The following RNF150 variants were observed in gnomAD, a reference collection of about 807,000 sequenced individuals.
RNF150 encodes the protein ring finger protein 150.
Under a neutral mutation model 39.3 loss-of-function variants are expected in RNF150, and 24 were observed. That is an observed-to-expected ratio of 0.61 (90% CI 0.44 to 0.86). RNF150 has a LOEUF of 0.86. Ranked by LOEUF, RNF150 falls within the 40% of genes least tolerant of loss-of-function variation. The pLI is 0.00. For synonymous variants in RNF150, 255 were observed against 227.3 expected (o/e 1.12, Z -1.10); for missense variants, 502 against 587.8 (o/e 0.85, Z 1.51).
intron 1 of RNF150, among the ~76,000 whole-genome samples, chr4:141,156,374 G>A (rs1727399145): frequency 6.6e-6 from 1 of 152,090 alleles, no homozygotes; most frequent in Admixed American, 6.5e-5. Context: ...TTGATCTCCT[G>A]TGCTCAAGCC....
chr4:140,891,957 A>C (rs12331921), intron 6 of RNF150, among the ~76,000 whole-genome samples: 5,063 of 152,208 alleles, frequency 0.033, 218 homozygotes, highest in African/African-American at 0.1. Context: ...TTTCATCCCG[A>C]AAGCACCACC....
At chr4:141,110,004 T>C (rs1440046986) in intron 1 of RNF150, among the ~76,000 whole-genome samples, 1 of 152,090 alleles carries the variant, frequency 6.6e-6, no homozygotes, top group Non-Finnish European at 1.5e-5. Flanking sequence ...GTTGCCAGGA[T>C]ATGAGAGACT....
At chr4:141,070,035 A>T (rs11936637) in intron 1 of RNF150, among the ~76,000 whole-genome samples, 46,050 of 151,894 alleles carry the variant, frequency 0.3, 7,038 homozygotes, top group Middle Eastern at 0.48. Context: ...GATTTTTTGA[A>T]GGGTTTTTTG....
intron 1 of RNF150, among the ~76,000 whole-genome samples, chr4:141,038,033 T>C (rs1251337095): frequency 6.6e-6 from 1 of 152,212 alleles, no homozygotes; most frequent in Non-Finnish European, 1.5e-5. Context: ...AAAATAATTA[T>C]ATGCAGAGAA....
intron 1 of RNF150, among the ~76,000 whole-genome samples, chr4:141,127,238 T>C (rs1215709761): frequency 6.6e-6 from 1 of 152,170 alleles, no homozygotes; most frequent in Non-Finnish European, 1.5e-5. Context: ...GGGTACCTAT[T>C]TCACAGTGTT....
chr4:141,203,326 G>C (rs1470560807), intron 1 of RNF150, among the ~76,000 whole-genome samples: 1 of 146,636 alleles, frequency 6.8e-6, no homozygotes, highest in African/African-American at 2.5e-5. Context: ...TCTTGGAGAT[G>C]ATATATATAT....
intron 1 of RNF150, among the ~76,000 whole-genome samples, chr4:141,008,605 G>A (rs1365588529): frequency 6.6e-6 from 1 of 152,102 alleles, no homozygotes; most frequent in Non-Finnish European, 1.5e-5. Context: ...GGGTTCAAAG[G>A]CCTTTTGTTC....
chr4:141,055,826 CCAGCTATA>C (rs1736944067), intron 1 of RNF150, among the ~76,000 whole-genome samples: 1 of 152,116 alleles, frequency 6.6e-6, no homozygotes, highest in Admixed American at 6.6e-5. Flanking sequence ...AAAAGAAAAT[CCAGCTATA>C]CAGGAATCAT....
At chr4:140,917,456 A>G (rs537679036) in intron 5 of RNF150, among the ~76,000 whole-genome samples, 10 of 152,322 alleles carry the variant, frequency 6.6e-5, no homozygotes, top group Admixed American at 5.9e-4. Flanking sequence ...CCATTACATA[A>G]TGGTAAAGGG....
chr4:141,050,287 T>C (rs1736728600), intron 1 of RNF150, among the ~76,000 whole-genome samples: 1 of 152,112 alleles, frequency 6.6e-6, no homozygotes, highest in Non-Finnish European at 1.5e-5. Context: ...AAGATGAGAT[T>C]TGGGCAGGGA....
chr4:141,011,123 T>C (rs2110747257), intron 1 of RNF150, among the ~76,000 whole-genome samples: 1 of 152,224 alleles, frequency 6.6e-6, no homozygotes, highest in East Asian at 1.9e-4. Context: ...ATGAAAAAAC[T>C]TAAAGTATTG....
At chr4:141,077,758 G>T (rs151128401) in intron 1 of RNF150, among the ~76,000 whole-genome samples, 104 of 152,280 alleles carry the variant, frequency 6.8e-4, no homozygotes, top group Middle Eastern at 3.4e-3. Flanking sequence ...AAACAAATCA[G>T]GATTCTGCAC....
Position 141,101,829 on chromosome 4 carries a change from T to C in RNF150, c.484+30496A>G, listed in dbSNP as rs1208881914. On this transcript the variant is annotated intron_variant, in intron 1 of 6. Coordinates refer to ENST00000515673, the MANE Select transcript of RNF150 (RefSeq NM_020724.2). ...TAGAGTCTTGCTCTGTTGCCCGGGC[T>C]GGAGTGCAGTGGCACAATCTCGGCT... 3.9e-5 allele frequency among the ~76,000 whole-genome samples: 6 copies of C among 152,294 alleles called. No homozygotes were observed. The East Asian group carries it at 1.2e-3, about 29-fold the overall frequency.
chr4:140,938,454 G>A (rs1349818175), intron 4 of RNF150, among the ~76,000 whole-genome samples: 1 of 152,120 alleles, frequency 6.6e-6, no homozygotes, highest in South Asian at 2.1e-4. Context: ...AAGGATCCAA[G>A]ATATGAATCC....
At chr4:141,123,633 T>A (rs1211926777) in intron 1 of RNF150, among the ~76,000 whole-genome samples, 1 of 152,192 alleles carries the variant, frequency 6.6e-6, no homozygotes, top group Non-Finnish European at 1.5e-5. Context: ...ACATGTGCCA[T>A]GTTGGTGTGT....
chr4:140,999,942 AAAGAAGAAGAAGAAG>A lies in RNF150; in HGVS notation c.485-32084_485-32070del, dbSNP rs879391696. Among the ~76,000 whole-genome samples, 73 of 34,556 alleles carry A rather than the reference AAAGAAGAAGAAGAAG, an allele frequency of 2.1e-3. 7 individuals carry two copies. In the East Asian group the frequency reaches 0.033, roughly 16 times the overall value. The allele number at this position is 34,556 out of a possible 152,430, so 22.7% of individuals were successfully genotyped here. ...AACAGAGTGAGACTTGGTCTCAAAA[AAAGAAGAAGAAGAAG>A]AAGAAGAAGAAGAAGAAGAAAAGAA... On this transcript the variant is annotated intron_variant, in intron 1 of 6. Coordinates refer to ENST00000515673, the MANE Select transcript of RNF150 (RefSeq NM_020724.2).
intron 1 of RNF150, among the ~76,000 whole-genome samples, chr4:141,204,551 G>C (rs1728343560): frequency 6.6e-6 from 1 of 152,110 alleles, no homozygotes; most frequent in African/African-American, 2.4e-5. Flanking sequence ...CTATGAGTAT[G>C]TGCCATTTAA....
At chr4:141,100,627 G>T (rs1226202329) in intron 1 of RNF150, among the ~76,000 whole-genome samples, 2 of 152,134 alleles carry the variant, frequency 1.3e-5, no homozygotes, top group Non-Finnish European at 2.9e-5. Flanking sequence ...CTGACTAAGG[G>T]TACTATACAA....
At chr4:141,190,036 G>A (rs1728077540) in intron 1 of RNF150, among the ~76,000 whole-genome samples, 1 of 151,722 alleles carries the variant, frequency 6.6e-6, no homozygotes, top group African/African-American at 2.4e-5. Flanking sequence ...AGATAGCACA[G>A]TCCCTCATGG....
Sources: gnomAD v4.1 joint callset for allele counts (sites outside exome capture counted in the v4.1 genomes callset) on GRCh38, gnomAD v4.1.1 for gene constraint, MANE v1.5 for transcripts, NCBI Gene and HGNC (gene_info 2026-07-23, HGNC 2026-07-21) for gene names.